RIN2: variants seen among roughly 807,000 people sequenced by gnomAD.
RIN2 encodes RAB5 interacting protein 2.
A neutral mutation model predicts 78.0 loss-of-function variants in RIN2; 36 were observed. The observed-to-expected ratio is 0.46, with a 90% CI of 0.35 to 0.61. RIN2 has a LOEUF of 0.61. Ranked by LOEUF, RIN2 falls within the 20% of genes least tolerant of loss-of-function variation. The pLI is 0.00. For synonymous variants in RIN2, 466 were observed against 466.8 expected, an observed-to-expected ratio of 1.00 and a Z score of 0.02; for missense variants, 1,087 against 1,159.7, an observed-to-expected ratio of 0.94 and a Z score of 0.91.
intron 3 of RIN2, among the ~76,000 whole-genome samples, chr20:19,931,362 A>AACTCCTGGCCTCAAGCAGTTCTCCC (rs1439377831): frequency 6.6e-6 from 1 of 152,168 alleles, no homozygotes; most frequent in Non-Finnish European, 1.5e-5. Context: ...GCTGGTCTCC[A>AACTCCTGGCCTCAAGCAGTTCTCCC]ACTCCTGGCC....
chr20:19,806,406 C>T (rs939995643), intron 2 of RIN2, among the ~76,000 whole-genome samples: 5 of 152,156 alleles, frequency 3.3e-5, no homozygotes, highest in Admixed American at 2.0e-4. Flanking sequence ...TTTTAATGAT[C>T]GCCATTCTAA....
intron 3 of RIN2, among the ~76,000 whole-genome samples, chr20:19,924,520 CCTTCGTTCCCGACCT>C (rs1266090279): frequency 2.0e-5 from 1 of 51,116 alleles, no homozygotes; most frequent in Non-Finnish European, 3.9e-5. Context: ...CACACTCCCA[CCTTCGTTCCCGACCT>C]CTTCATACCC....
chr20:19,866,455 G>A (rs1360478787), intron 2 of RIN2, among the ~76,000 whole-genome samples: 1 of 152,136 alleles, frequency 6.6e-6, no homozygotes, highest in African/African-American at 2.4e-5. Context: ...ACTCCACAGG[G>A]CTGGGGAGTG....
chr20:19,981,131 T>C (rs1382204254), intron 9 of RIN2, among the ~76,000 whole-genome samples: 1 of 152,168 alleles, frequency 6.6e-6, no homozygotes, highest in Non-Finnish European at 1.5e-5. Flanking sequence ...CTCACTTCTA[T>C]AGATGAAGAA....
At chr20:19,912,407 C>G (rs545972504) in intron 3 of RIN2, among the ~76,000 whole-genome samples, 3 of 152,068 alleles carry the variant, frequency 2.0e-5, no homozygotes, top group Admixed American at 6.5e-5. Context: ...TCCAGGAGGC[C>G]TGTTCCCATC....
At chr20:19,885,663 C>T (rs6136869) in intron 2 of RIN2, among the ~76,000 whole-genome samples, 72,286 of 150,486 alleles carry the variant, frequency 0.48, 17,391 homozygotes, top group East Asian at 0.56. Flanking sequence ...AAGACCCTGT[C>T]TCGAAAAAGA....
chr20:20,000,565 A>G, intron 12 of RIN2, 48 bp from the exon 13 acceptor site: 2 of 1,444,094 alleles, frequency 1.4e-6, no homozygotes, highest in Non-Finnish European at 1.9e-6. Flanking sequence ...CATGCTCACT[A>G]TCTAGTTTTC....
chr20:19,859,172 C>A (rs2123262955), intron 2 of RIN2, among the ~76,000 whole-genome samples: 1 of 152,304 alleles, frequency 6.6e-6, no homozygotes, highest in South Asian at 2.1e-4. Flanking sequence ...CACTAATTGG[C>A]AGGAACAAGA....
At position 19,975,405 on chromosome 20, in the gene RIN2, C is replaced by T; in HGVS notation, c.1380C>T (p.Ser460=). The T allele has an allele frequency of 6.2e-7, 1 of 1,614,068 alleles. No individual in the cohort carries two copies. The highest frequency in any genetic ancestry group is 8.5e-7 in the Non-Finnish European group (1 of 1,179,900). ...LFGYEADTNS[S]LEDYEGESDQ... ...GCTACGAGGCGGACACCAACAGCAG[C>T]CTGGAGGACTACGAGGGGGAAAGTG... The change falls in exon 9 of 13, where the codon AGC becomes AGT. Residue 460 remains serine (S), a synonymous_variant. Transcript: ENST00000255006. This position sits in a 1 kb window ranked among gnomAD's most constrained non-coding sequence, Gnocchi z 4.9.
chr20:19,939,203 A>T (rs747361917), intron 4 of RIN2, among the ~76,000 whole-genome samples: 4 of 152,068 alleles, frequency 2.6e-5, no homozygotes, highest in Non-Finnish European at 5.9e-5. Flanking sequence ...ATGTGCCAAA[A>T]TGCCTGGCTA....
intron 2 of RIN2, among the ~76,000 whole-genome samples, chr20:19,850,791 C>T (rs1044060412): frequency 6.6e-6 from 1 of 152,096 alleles, no homozygotes; most frequent in African/African-American, 2.4e-5. Context: ...ATGGTGAAAA[C>T]CTGTCTCCTA....
At chr20:19,830,422 C>T (rs2036217690) in intron 2 of RIN2, among the ~76,000 whole-genome samples, 1 of 152,200 alleles carries the variant, frequency 6.6e-6, no homozygotes, top group Non-Finnish European at 1.5e-5. Flanking sequence ...CCCCTGCACT[C>T]TCAGGTGTAG....
rs184265055 is a variant in RIN2 at position 19,969,698 on chromosome 20, A to C, written c.537-1140A>C. 4.2e-3 allele frequency among the ~76,000 whole-genome samples: 633 copies of C among 152,312 alleles called. 4 individuals are homozygous for C. Among genetic ancestry groups the C allele is most frequent in the Middle Eastern group, 0.014 (4 of 294 alleles). On this transcript the variant is annotated intron_variant, in intron 7 of 12. Coordinates refer to ENST00000255006, the MANE Select transcript of RIN2 (RefSeq NM_018993.4). Reference sequence around the variant, plus strand: ...TGCAATGTCTGGCACATTGCAGATGATCATAAACATCTGTGGAACAAATGA... The same window carrying C: ...TGCAATGTCTGGCACATTGCAGATGCTCATAAACATCTGTGGAACAAATGA...
chr20:19,997,620 G>A (rs762093176), intron 12 of RIN2, among the ~76,000 whole-genome samples: 3 of 152,080 alleles, frequency 2.0e-5, no homozygotes, highest in African/African-American at 7.2e-5. Flanking sequence ...TTAGCTGGGT[G>A]TAGTGGCAGG....
intron 12 of RIN2, 110 bp from the exon 13 acceptor site, chr20:20,000,503 C>T: frequency 1.2e-6 from 1 of 841,610 alleles, no homozygotes; most frequent in South Asian, 1.8e-5. Context: ...GACATTATGA[C>T]AGGAAAGGGC....
intron 3 of RIN2, among the ~76,000 whole-genome samples, chr20:19,908,363 C>T (rs1244012083): frequency 2.6e-5 from 4 of 151,938 alleles, no homozygotes; most frequent in Non-Finnish European, 5.9e-5. Flanking sequence ...TGGTGGCGGG[C>T]GCCTGCAGTC....
intron 2 of RIN2, among the ~76,000 whole-genome samples, chr20:19,803,119 A>G (rs2035298149): frequency 6.6e-6 from 1 of 152,192 alleles, no homozygotes; most frequent in South Asian, 2.1e-4. Flanking sequence ...AGAATTGTAA[A>G]GTGACTTAAT....
intron 2 of RIN2, among the ~76,000 whole-genome samples, chr20:19,850,480 C>T (rs567610977): frequency 6.6e-6 from 1 of 152,294 alleles, no homozygotes; most frequent in South Asian, 2.1e-4. Flanking sequence ...AACCACTTGG[C>T]CACTATTGTC....
intron 2 of RIN2, among the ~76,000 whole-genome samples, chr20:19,861,511 C>G (rs1462833363): frequency 6.6e-6 from 1 of 152,118 alleles, no homozygotes; most frequent in Non-Finnish European, 1.5e-5. Flanking sequence ...ATCTGATCAC[C>G]CTCCATATCT....
Sources: allele counts gnomAD v4.1 joint callset (sites outside exome capture counted in the v4.1 genomes callset), GRCh38; gene constraint gnomAD v4.1.1; non-coding constraint Gnocchi (gnomAD v3.1); transcripts MANE v1.5; gene names NCBI Gene and HGNC (gene_info 2026-07-23, HGNC 2026-07-21).